Variants in UNC13B observed in about 807,000 individuals in gnomAD.
UNC13B encodes the protein protein unc-13 homolog B.
In UNC13B, 144 loss-of-function variants were observed where a neutral mutation model predicts 211.0. That is an observed-to-expected ratio of 0.68 (90% CI 0.60 to 0.78). UNC13B has a LOEUF of 0.78. Ranked by LOEUF, UNC13B falls within the 30% of genes least tolerant of loss-of-function variation. The pLI is 0.00. For missense variants in UNC13B, 1,777 were observed against 2,002.0 expected, an observed-to-expected ratio of 0.89 and a Z score of 2.14; for synonymous variants, 709 against 725.8, an observed-to-expected ratio of 0.98 and a Z score of 0.37.
chr9:35,273,544 C>G (rs1828009947), intron 7 of UNC13B, among the ~76,000 whole-genome samples: 1 of 152,212 alleles, frequency 6.6e-6, no homozygotes, highest in Non-Finnish European at 1.5e-5. Flanking sequence ...CCATCTAAAA[C>G]TGTTCACTGC....
intron 7 of UNC13B, among the ~76,000 whole-genome samples, chr9:35,289,408 G>A (rs1024333790): frequency 6.6e-5 from 10 of 152,108 alleles, no homozygotes; most frequent in Admixed American, 5.2e-4. Flanking sequence ...TAGGAGTTGT[G>A]TCTTTTTTTC....
At chr9:35,296,030 AAGTGT>A (rs1382490345) in intron 8 of UNC13B, 100 bp downstream of exon 8, 4 of 1,129,638 alleles carry the variant, frequency 3.5e-6, no homozygotes, top group East Asian at 5.2e-5. Flanking sequence ...GAGGTAGCGT[AAGTGT>A]AGCAGTATCA....
chr9:35,291,017 T>C, intron 7 of UNC13B: 2 of 1,542,234 alleles, frequency 1.3e-6, no homozygotes, highest in Non-Finnish European at 1.8e-6. Context: ...TTTGAATTCC[T>C]TCAAAAAAGT....
intron 7 of UNC13B, among the ~76,000 whole-genome samples, chr9:35,273,878 A>C (rs1564107157): frequency 6.6e-6 from 1 of 152,180 alleles, no homozygotes; most frequent in African/African-American, 2.4e-5. Context: ...AGAACAGGAA[A>C]TGTTGTCCAC....
chr9:35,335,522 A>G (rs1346736512), intron 11 of UNC13B, among the ~76,000 whole-genome samples: 1 of 152,204 alleles, frequency 6.6e-6, no homozygotes, highest in African/African-American at 2.4e-5. Flanking sequence ...CAAGCATGCT[A>G]AGGAAATGTG....
Position 35,173,585 on chromosome 9 carries a change from G to A in UNC13B, c.22+11280G>A, listed in dbSNP as rs531611556. On this transcript the variant is annotated intron_variant, in intron 1 of 39. Coordinates refer to ENST00000635942, the MANE Select transcript of UNC13B (RefSeq NM_001371189.2). ...ATTACAGGCCCTCACCACCATGCCC[G>A]GCTAATTTTTTTATTTTTGGTAGAG... is the stretch of plus-strand genomic sequence containing the variant. Among the ~76,000 whole-genome samples the A allele has an allele frequency of 4.6e-5, 7 of 152,076 alleles. No individual in the cohort carries two copies. In the East Asian group the frequency reaches 7.7e-4, roughly 17 times the overall value.
At chr9:35,322,032 T>C (rs913489555) in intron 11 of UNC13B, among the ~76,000 whole-genome samples, 1 of 152,232 alleles carries the variant, frequency 6.6e-6, no homozygotes, top group African/African-American at 2.4e-5. Context: ...TCACTTATAC[T>C]TCTTCAGCTA....
At chr9:35,227,627 C>G (rs1003161481) in intron 1 of UNC13B, among the ~76,000 whole-genome samples, 8 of 152,150 alleles carry the variant, frequency 5.3e-5, no homozygotes, top group African/African-American at 1.9e-4. Flanking sequence ...CTAGATCTGG[C>G]CTGTTATGCT....
intron 11 of UNC13B, among the ~76,000 whole-genome samples, chr9:35,331,869 A>G (rs1318113775): frequency 6.6e-6 from 1 of 152,028 alleles, no homozygotes; most frequent in Admixed American, 6.6e-5. Flanking sequence ...ATCACTTTTA[A>G]TCTCAAAACT....
At chr9:35,229,402 C>G (rs1224738673) in intron 2 of UNC13B, among the ~76,000 whole-genome samples, 1 of 152,156 alleles carries the variant, frequency 6.6e-6, no homozygotes, top group Non-Finnish European at 1.5e-5. Flanking sequence ...TTGTTTCTCT[C>G]CCAGCTGGTT....
chr9:35,243,283 T>C lies in UNC13B; in HGVS notation c.395-8T>C, dbSNP rs961297880. 4 of 1,612,764 alleles carry C rather than the reference T, an allele frequency of 2.5e-6. No homozygotes were observed. ...TTTCTTTTCTTTTTCTTCTTTTTTT[T>C]ATGGTAGATATCCCAGAGGAGGAAG... is the stretch of plus-strand genomic sequence containing the variant. On this transcript the variant is annotated splice_region_variant and splice_polypyrimidine_tract_variant and intron_variant, in intron 5 of 39. Transcript: ENST00000635942.
Position 35,343,257 on chromosome 9 carries a change from T to C in UNC13B, c.9415-23690T>C, listed in dbSNP as rs1403297550. Among the ~76,000 whole-genome samples, 3 of 152,334 alleles carry C rather than the reference T, an allele frequency of 2.0e-5. No homozygotes were observed. The East Asian group carries it at 5.8e-4, about 29-fold the overall frequency. ...TCACAGGGTTGTTGTGATGATAAAATAGGAATCATATAAACTGAAAATTCT... is the reference window on the plus strand; with the variant it reads ...TCACAGGGTTGTTGTGATGATAAAACAGGAATCATATAAACTGAAAATTCT... On this transcript the variant is annotated intron_variant, in intron 11 of 39. Coordinates refer to ENST00000635942, the MANE Select transcript of UNC13B (RefSeq NM_001371189.2).
chr9:35,222,849 AC>A (rs1824636876), intron 1 of UNC13B, among the ~76,000 whole-genome samples: 1 of 151,960 alleles, frequency 6.6e-6, no homozygotes, highest in Non-Finnish European at 1.5e-5. Context: ...TCTCTTCACC[AC>A]CCTTCTCCCC....
At chr9:35,220,098 A>G (rs1040749983) in intron 1 of UNC13B, among the ~76,000 whole-genome samples, 18 of 152,056 alleles carry the variant, frequency 1.2e-4, no homozygotes, top group Non-Finnish European at 1.5e-5. Flanking sequence ...ATGCAGGTAT[A>G]AGCAAATATG....
chr9:35,214,361 A>C (rs943214252), intron 1 of UNC13B, among the ~76,000 whole-genome samples: 1 of 152,178 alleles, frequency 6.6e-6, no homozygotes, highest in African/African-American at 2.4e-5. Context: ...CTGGAGGCAG[A>C]GGTTGCAGTG....
rs1237755198 is a variant in UNC13B, at chr9:35,364,290, A to G, written c.9415-2657A>G. ...AAAAGGATGACTGGAACCCCTGGGT[A>G]GATTTTGTCCCTTGATTTAGTTTGG... On this transcript the variant is annotated intron_variant, in intron 11 of 39. Transcript: ENST00000635942. Among the ~76,000 whole-genome samples, 3 of 151,958 alleles carry G rather than the reference A, an allele frequency of 2.0e-5. 1 individual carries two copies. Among genetic ancestry groups the G allele is most frequent in the African/African-American group, 7.3e-5 (3 of 41,240 alleles).
intron 1 of UNC13B, among the ~76,000 whole-genome samples, chr9:35,203,675 A>G (rs1823460488): frequency 6.6e-6 from 1 of 152,240 alleles, no homozygotes; most frequent in African/African-American, 2.4e-5. Flanking sequence ...ATTTCCAACC[A>G]GCAGAGTATT....
rs1835179493 is a variant in UNC13B, at chr9:35,386,196, G to A, written c.10997G>A (p.Ser3666Asn). 1 of 1,614,174 alleles carries A rather than the reference G, an allele frequency of 6.2e-7. No individual in the cohort carries two copies. Among genetic ancestry groups the A allele is most frequent in the Middle Eastern group, 1.7e-4 (1 of 6,060 alleles). ...GAACTGCAAAGCCCTCCAAGAGCCA[G>A]CCAGGTGGTAAAGGATTGTGTGAAG... is the stretch of plus-strand genomic sequence containing the variant. ...VQELQSPPRA[S>N]QVVKDCVKAC... Residue 3666 changes from serine (S) to asparagine (N), a missense_variant, in exon 24 of 40, where the codon AGC becomes AAC. Transcript: ENST00000635942.
chr9:35,246,838 T>C (rs1358935210), intron 6 of UNC13B, among the ~76,000 whole-genome samples: 3 of 152,206 alleles, frequency 2.0e-5, no homozygotes, highest in African/African-American at 7.2e-5. Context: ...ATGTGGGCTC[T>C]TTTTTGGTTC....
Sources: gnomAD v4.1 joint callset for allele counts (sites outside exome capture counted in the v4.1 genomes callset) on GRCh38, gnomAD v4.1.1 for gene constraint, MANE v1.5 for transcripts, NCBI Gene and HGNC (gene_info 2026-07-23, HGNC 2026-07-21) for gene names.